The following STIM1 variants were observed in gnomAD, a reference collection of about 807,000 sequenced individuals.
STIM1 encodes stromal interaction molecule 1.
A neutral mutation model predicts 74.7 loss-of-function variants in STIM1; 25 were observed. That is an observed-to-expected ratio of 0.33 (90% CI 0.24 to 0.47). STIM1 has a LOEUF of 0.47. STIM1 is among the 20% of genes least tolerant of loss of function. The pLI is 1.00. For synonymous variants in STIM1, 328 were observed against 348.8 expected (o/e 0.94, Z 0.66); for missense variants, 728 against 920.8 (o/e 0.79, Z 2.71).
intron 2 of STIM1, among the ~76,000 whole-genome samples, chr11:3,990,883 G>C (rs1161420111): frequency 6.6e-6 from 1 of 152,110 alleles, no homozygotes; most frequent in African/African-American, 2.4e-5. Context: ...GTGATGCTGA[G>C]GTTTGGGATT....
intron 4 of STIM1, chr11:4,059,065 G>A (rs2094311878): frequency 1.2e-6 from 1 of 829,054 alleles, no homozygotes; most frequent in Non-Finnish European, 1.8e-6. Context: ...AGAAGTTGGT[G>A]GATATGGGGA....
At chr11:4,032,176 A>G (rs1004114836) in intron 3 of STIM1, among the ~76,000 whole-genome samples, 2 of 152,158 alleles carry the variant, frequency 1.3e-5, no homozygotes, top group Non-Finnish European at 2.9e-5. Flanking sequence ...TTTGTCAAAA[A>G]TCAGTTGTTT....
At chr11:3,995,060 T>C (rs1193065663) in intron 2 of STIM1, among the ~76,000 whole-genome samples, 1 of 147,104 alleles carries the variant, frequency 6.8e-6, no homozygotes, top group Admixed American at 7.1e-5. Context: ...CATCATGCAT[T>C]CCTTTACCTC....
At chr11:3,984,638 T>G (rs1270835598) in intron 2 of STIM1, among the ~76,000 whole-genome samples, 3 of 152,222 alleles carry the variant, frequency 2.0e-5, no homozygotes, top group African/African-American at 7.2e-5. Flanking sequence ...TTTGTGAGTT[T>G]ATTAGAATAG....
intron 1 of STIM1, among the ~76,000 whole-genome samples, chr11:3,924,110 G>A (rs1478091736): frequency 6.6e-6 from 1 of 151,550 alleles, no homozygotes; most frequent in Non-Finnish European, 1.5e-5. Context: ...GAGCCACCAT[G>A]CCTGGCCTAT....
chr11:3,921,042 C>T (rs1015823085), intron 1 of STIM1, among the ~76,000 whole-genome samples: 1 of 152,084 alleles, frequency 6.6e-6, no homozygotes, highest in African/African-American at 2.4e-5. Flanking sequence ...GTAATCTGCC[C>T]ACCTTGGCTT....
At chr11:3,910,837 A>T (rs10767699) in intron 1 of STIM1, among the ~76,000 whole-genome samples, 137,724 of 148,434 alleles carry the variant, frequency 0.93, 63,923 homozygotes, top group African/African-American at 0.95. Flanking sequence ...AAAAAAAAAA[A>T]TATCCGGGCG....
chr11:3,992,399 G>A (rs999096140), intron 2 of STIM1, among the ~76,000 whole-genome samples: 9 of 151,884 alleles, frequency 5.9e-5, no homozygotes, highest in African/African-American at 2.2e-4. Flanking sequence ...GGGTGACAGA[G>A]TGAGACTCTG....
intron 2 of STIM1, among the ~76,000 whole-genome samples, chr11:3,990,756 G>T (rs1321552055): frequency 1.3e-5 from 2 of 152,136 alleles, no homozygotes; most frequent in African/African-American, 4.8e-5. Context: ...CTTCTTTAGA[G>T]AAATATTTTC....
Position 3,872,848 on chromosome 11 carries a change from C to T in STIM1, c.139+16439C>T, listed in dbSNP as rs186841350. On this transcript the variant is annotated intron_variant, in intron 1 of 12. Transcript: ENST00000526596. ...TTACCTCCATTTTCATATGTGCCAT[C>T]TGGTTTACCATTATAGCTCAATTCT... 2.5e-3 allele frequency among the ~76,000 whole-genome samples: 377 copies of T among 152,188 alleles called. 4 individuals carry two copies. Among genetic ancestry groups the T allele is most frequent in the African/African-American group, 8.7e-3 (362 of 41,524 alleles).
intron 2 of STIM1, among the ~76,000 whole-genome samples, chr11:4,014,577 A>G (rs561495852): frequency 3.3e-5 from 5 of 152,332 alleles, no homozygotes; most frequent in Admixed American, 6.5e-5. Flanking sequence ...TGCTTGGTCC[A>G]GAGCTGAGTT....
intron 2 of STIM1, among the ~76,000 whole-genome samples, chr11:3,999,313 T>A (rs981628299): frequency 1.3e-5 from 2 of 152,176 alleles, no homozygotes; most frequent in African/African-American, 4.8e-5. Flanking sequence ...GCATGGGCAA[T>A]AGAGGGAGAC....
At chr11:3,859,980 G>A (rs948201434) in intron 1 of STIM1, among the ~76,000 whole-genome samples, 1 of 152,238 alleles carries the variant, frequency 6.6e-6, no homozygotes, top group Admixed American at 6.5e-5. Flanking sequence ...TAATATTTGA[G>A]TGCCTTCTCT....
rs190021293 is a variant in STIM1, at chr11:3,981,473, A to T, written c.270+13791A>T. On this transcript the variant is annotated intron_variant, in intron 2 of 12. Transcript: ENST00000526596. ...CTCTTAAGGGTGCTGAGTTGACGTTATTTTTGAATTTTGAATTCGAAAACA... is the reference window on the plus strand; with the variant it reads ...CTCTTAAGGGTGCTGAGTTGACGTTTTTTTTGAATTTTGAATTCGAAAACA... Among the ~76,000 whole-genome samples, 326 of 152,254 alleles carry T rather than the reference A, an allele frequency of 2.1e-3. 1 individual carries two copies. Among genetic ancestry groups the T allele is most frequent in the African/African-American group, 7.4e-3 (306 of 41,544 alleles).
At position 3,895,028 on chromosome 11, in the gene STIM1, C is replaced by T. The variant is rs961637517; in HGVS notation, c.139+38619C>T. 5.3e-5 allele frequency among the ~76,000 whole-genome samples: 8 copies of T among 151,598 alleles called. No individual in the cohort carries two copies. In the East Asian group the frequency reaches 1.2e-3, roughly 22 times the overall value. On this transcript the variant is annotated intron_variant, in intron 1 of 12. Transcript: ENST00000526596. ...CCTCCCAAAGTGCTGGGATTACAGG[C>T]GTGAGCCACCGCGCCCGGCCGACCC... is the stretch of plus-strand genomic sequence containing the variant.
At chr11:3,895,687 T>TTTCC (rs2092085933) in intron 1 of STIM1, among the ~76,000 whole-genome samples, 7 of 26,944 alleles carry the variant, frequency 2.6e-4, no homozygotes, top group African/African-American at 1.5e-3. Context: ...TCCTTCCTTC[T>TTTCC]TTCTTTCTTT....
chr11:3,940,946 G>C (rs1043846941), intron 1 of STIM1, among the ~76,000 whole-genome samples: 2 of 152,146 alleles, frequency 1.3e-5, no homozygotes, highest in Non-Finnish European at 2.9e-5. Context: ...GTAGCTAAGA[G>C]CTTGGACTCT....
At chr11:3,991,245 A>G (rs1266345166) in intron 2 of STIM1, among the ~76,000 whole-genome samples, 1 of 140,038 alleles carries the variant, frequency 7.1e-6, no homozygotes, top group Non-Finnish European at 1.5e-5. Flanking sequence ...ATTCCAGCTC[A>G]CTGCAGCCTC....
Position 4,077,196 on chromosome 11 carries a change from A to G in STIM1, c.969+2517A>G, listed in dbSNP as rs987421841. Among the ~76,000 whole-genome samples the G allele has an allele frequency of 1.9e-4, 29 of 151,934 alleles. 1 individual carries two copies. The highest frequency in any genetic ancestry group is 7.0e-4 in the African/African-American group (29 of 41,542). Reference sequence around the variant, plus strand: ...AGGTCATGAAGTATTGACCTAAAGCAGTTGCTAAGTGAAATAAAGCAAGGG... The same window carrying G: ...AGGTCATGAAGTATTGACCTAAAGCGGTTGCTAAGTGAAATAAAGCAAGGG... On this transcript the variant is annotated intron_variant, in intron 7 of 12. Coordinates refer to ENST00000526596, the MANE Select transcript of STIM1 (RefSeq NM_001382567.1).
Sources: allele counts gnomAD v4.1 joint callset (sites outside exome capture counted in the v4.1 genomes callset), GRCh38; gene constraint gnomAD v4.1.1; transcripts MANE v1.5; gene names NCBI Gene and HGNC (gene_info 2026-07-23, HGNC 2026-07-21).